The following TLE6 variants were observed in gnomAD, a reference collection of about 807,000 sequenced individuals.
TLE6 encodes the protein transducin-like enhancer protein 6.
A neutral mutation model predicts 77.1 loss-of-function variants in TLE6; 72 were observed. The observed-to-expected ratio is 0.93, with a 90% CI of 0.77 to 1.14. The LOEUF (loss-of-function observed/expected upper bound fraction) is 1.14. TLE6 is among the 50% of genes most tolerant of loss of function. The pLI is 0.00. For missense variants in TLE6, 843 were observed against 747.6 expected (o/e 1.13, Z -1.49); for synonymous variants, 366 against 287.3 (o/e 1.27, Z -2.77).
intron 13 of TLE6, among the ~76,000 whole-genome samples, chr19:2,991,055 C>T (rs1042585317): frequency 6.7e-6 from 1 of 148,510 alleles, no homozygotes; most frequent in East Asian, 1.9e-4. Context: ...TATGTATACA[C>T]ACACACATAT....
chr19:2,982,209 G>C lies in TLE6; in HGVS notation c.222+20G>C, dbSNP rs2088811849. On this transcript the variant is annotated intron_variant, in intron 5 of 16. Transcript: ENST00000246112. Reference sequence around the variant, plus strand: ...AAGCAGGTGGGTGACCAGGAGCTCAGGGGTGCGGCTGTCCCTCCATGAAAG... The same window carrying C: ...AAGCAGGTGGGTGACCAGGAGCTCACGGGTGCGGCTGTCCCTCCATGAAAG... 2 of 1,550,996 alleles carry C rather than the reference G, an allele frequency of 1.3e-6. No individual in the cohort carries two copies. Among genetic ancestry groups the C allele is most frequent in the South Asian group, 1.2e-5 (1 of 84,040 alleles).
At chr19:2,979,639 C>T (rs1368075906) in intron 2 of TLE6, among the ~76,000 whole-genome samples, 3 of 151,944 alleles carry the variant, frequency 2.0e-5, no homozygotes, top group East Asian at 3.9e-4. Context: ...ATGGAAGATG[C>T]TCTTTACTGA....
intron 8 of TLE6, 37 bp downstream of exon 8, chr19:2,987,409 G>C (rs1224655382): frequency 6.2e-7 from 1 of 1,612,524 alleles, no homozygotes; most frequent in East Asian, 2.2e-5. Context: ...AGAGGGGTGG[G>C]CTTCCGGGCA....
chr19:2,993,320 T>C (rs2089126903), intron 14 of TLE6, 112 bp from the exon 15 acceptor site: 3 of 1,164,012 alleles, frequency 2.6e-6, no homozygotes, highest in East Asian at 5.5e-5. Flanking sequence ...GCTGCACAGC[T>C]AGGAAGGGGT....
chr19:2,980,270 A>G (rs1168743937), intron 3 of TLE6, 88 bp downstream of exon 3: 2 of 1,184,554 alleles, frequency 1.7e-6, no homozygotes, highest in Admixed American at 2.2e-5. Flanking sequence ...AGTGGTCTAG[A>G]GGCTGCTGGC....
Position 2,994,448 on chromosome 19 carries a change from A to G in TLE6, c.1614+353A>G, listed in dbSNP as rs561109863. On this transcript the variant is annotated intron_variant, in intron 16 of 16. Coordinates refer to ENST00000246112, the MANE Select transcript of TLE6 (RefSeq NM_001143986.2). Reference sequence around the variant, plus strand: ...ACACGGTGAATCCCTGTCTCTACTAAAAATACAAAAAATTAGTTGGGCGTG... The same window carrying G: ...ACACGGTGAATCCCTGTCTCTACTAGAAATACAAAAAATTAGTTGGGCGTG... Among the ~76,000 whole-genome samples the G allele has an allele frequency of 1.6e-4, 24 of 152,212 alleles. 1 individual carries two copies. Among genetic ancestry groups the G allele is most frequent in the Admixed American group, 1.4e-3 (21 of 15,272 alleles).
chr19:2,987,517 T>C, intron 8 of TLE6, 145 bp downstream of exon 8: 1 of 1,261,620 alleles, frequency 7.9e-7, no homozygotes. Context: ...ACTTGGGTGA[T>C]CCAGGAGGCT....
At chr19:2,991,053 C>T (rs1040772198) in intron 13 of TLE6, among the ~76,000 whole-genome samples, 7 of 147,324 alleles carry the variant, frequency 4.8e-5, no homozygotes, top group African/African-American at 1.3e-4. Flanking sequence ...TATATGTATA[C>T]ACACACACAT....
At position 2,992,350 on chromosome 19, in the gene TLE6, T is replaced by C. The variant is rs143749015; in HGVS notation, c.1386+366T>C. Among the ~76,000 whole-genome samples, 165 of 152,204 alleles carry C rather than the reference T, an allele frequency of 1.1e-3. 1 individual carries two copies. Among genetic ancestry groups the C allele is most frequent in the African/African-American group, 3.8e-3 (158 of 41,540 alleles). ...GGCCAGGCATGGTGGCACATGCCTA[T>C]AATCCCAGCTAGTCGGGAGGCTGAG... On this transcript the variant is annotated intron_variant, in intron 14 of 16. Transcript: ENST00000246112.
At chr19:2,988,876 T>C (rs973199673) in intron 11 of TLE6, 185 bp from the exon 12 acceptor site, 1 of 844,600 alleles carries the variant, frequency 1.2e-6, no homozygotes. Flanking sequence ...TGGAGGGCTG[T>C]GGCAAAGGGA....
chr19:2,983,307 G>GCTCTCTTC (rs2088837015), intron 5 of TLE6, among the ~76,000 whole-genome samples: 1 of 152,202 alleles, frequency 6.6e-6, no homozygotes, highest in South Asian at 2.1e-4. Context: ...TGGGGCGAGT[G>GCTCTCTTC]GAGCCTGGTA....
chr19:2,994,454 C>CA (rs1456836438), intron 16 of TLE6, among the ~76,000 whole-genome samples: 1 of 151,862 alleles, frequency 6.6e-6, no homozygotes, highest in African/African-American at 2.4e-5. Context: ...ACTAAAAATA[C>CA]AAAAAATTAG....
intron 13 of TLE6, 61 bp downstream of exon 13, chr19:2,989,846 C>A: frequency 6.3e-7 from 1 of 1,590,640 alleles, no homozygotes; most frequent in South Asian, 1.2e-5. Context: ...CCACCTCTGC[C>A]CACCTTACTG....
At chr19:2,988,302 A>G (rs1257150877) in intron 11 of TLE6, among the ~76,000 whole-genome samples, 174 bp downstream of exon 11, 1 of 152,180 alleles carries the variant, frequency 6.6e-6, no homozygotes, top group Non-Finnish European at 1.5e-5. Flanking sequence ...CTGGGTAGAA[A>G]AGTGCAGTGT....
intron 16 of TLE6, among the ~76,000 whole-genome samples, 153 bp from the exon 17 acceptor site, chr19:2,994,747 C>A (rs1249951887): frequency 1.3e-5 from 2 of 152,074 alleles, no homozygotes; most frequent in East Asian, 3.9e-4. Context: ...GAGGCTGCAG[C>A]AAGCTGAGAT....
chr19:2,987,041 T>C lies in TLE6; in HGVS notation c.344T>C (p.Leu115Pro). 1 of 1,614,086 alleles carries C rather than the reference T, an allele frequency of 6.2e-7. No individual in the cohort carries two copies. Among genetic ancestry groups the C allele is most frequent in the Non-Finnish European group, 8.5e-7 (1 of 1,179,948 alleles). Residue 115 changes from leucine (L) to proline (P), a missense_variant, in exon 7 of 17, where the codon CTG becomes CCG. Leu to Pro is a moderately conservative substitution (Grantham distance 98, BLOSUM62 -3). Transcript: ENST00000246112. ...CCCCAGCAGGTGAAGGACAAGACCC[T>C]GCAGGAGTCGAGCTTTGAGGACATC... is the stretch of plus-strand genomic sequence containing the variant. Reference protein sequence around the residue: ...GTPQQVKDKTLQESSFEDIMA... With the variant: ...GTPQQVKDKTPQESSFEDIMA...
intron 13 of TLE6, among the ~76,000 whole-genome samples, chr19:2,991,015 TAC>T (rs957881968): frequency 8.3e-6 from 1 of 120,248 alleles, no homozygotes; most frequent in African/African-American, 4.3e-5. Flanking sequence ...TTTACATACA[TAC>T]ATACATACAT....
At position 2,989,394 on chromosome 19, in the gene TLE6, C is replaced by T. The variant is rs895925797; in HGVS notation, c.993+81C>T. On this transcript the variant is annotated intron_variant, in intron 12 of 16. Coordinates refer to ENST00000246112, the MANE Select transcript of TLE6 (RefSeq NM_001143986.2). ...GGTTTGAGTCTGGCAGAGCCCAGAT[C>T]GTGGAGAGAGGGCTTCCAGGGAAAA... 5.1e-5 allele frequency: 81 copies of T among 1,588,712 alleles called. 1 individual carries two copies. Among genetic ancestry groups the T allele is most frequent in the South Asian group, 6.7e-5 (6 of 89,432 alleles).
rs2089002495 is a variant in TLE6 at position 2,989,753 on chromosome 19, G to C, written c.1212G>C (p.Arg404Ser). 1.2e-6 allele frequency: 2 copies of C among 1,614,226 alleles called. No homozygotes were observed. Among genetic ancestry groups the C allele is most frequent in the African/African-American group, 1.3e-5 (1 of 75,068 alleles). Reference sequence around the variant, plus strand: ...CCAGCTTCACCAGTGGTGTGGTCAGGATCTGGGACCTGCGGGATCAGAGTG... The same window carrying C: ...CCAGCTTCACCAGTGGTGTGGTCAGCATCTGGGACCTGCGGGATCAGAGTG... ...AFASFTSGVV[R>S]IWDLRDQSVV... The change falls in exon 13 of 17, where the codon AGG becomes AGC. Residue 404 changes from arginine to serine, a missense_variant. Coordinates refer to ENST00000246112, the MANE Select transcript of TLE6 (RefSeq NM_001143986.2).
Sources: gnomAD v4.1 joint callset for allele counts (sites outside exome capture counted in the v4.1 genomes callset) on GRCh38, gnomAD v4.1.1 for gene constraint, MANE v1.5 for transcripts, NCBI Gene and HGNC (gene_info 2026-07-23, HGNC 2026-07-21) for gene names.